ZBTB16: variants seen among roughly 807,000 people sequenced by gnomAD.
The protein encoded by ZBTB16 is zinc finger and BTB domain containing 16.
A neutral mutation model predicts 56.8 loss-of-function variants in ZBTB16; 8 were observed. The observed-to-expected ratio is 0.14, with a 90% CI of 0.08 to 0.25. The LOEUF is 0.25. Ranked by LOEUF, ZBTB16 falls within the 10% of genes least tolerant of loss-of-function variation. The pLI is 1.00. For missense variants in ZBTB16, 625 were observed against 903.0 expected, an observed-to-expected ratio of 0.69 and a Z score of 3.95; for synonymous variants, 363 against 368.5, an observed-to-expected ratio of 0.98 and a Z score of 0.17.
intron 2 of ZBTB16, among the ~76,000 whole-genome samples, chr11:114,083,688 G>A (rs1313427371): frequency 1.3e-5 from 2 of 152,270 alleles, no homozygotes; most frequent in East Asian, 3.9e-4. Flanking sequence ...CCCGTGTTCT[G>A]TACCACCCAG....
At position 114,063,922 on chromosome 11, in the gene ZBTB16, A is replaced by C. The variant is rs1031169456; in HGVS notation, c.622A>C (p.Thr208Pro). The change falls in exon 2 of 7, where the codon ACC becomes CCC. Residue 208 changes from threonine to proline, a missense_variant. Physicochemically the swap from Thr to Pro is conservative, Grantham distance 38 (BLOSUM62 -1). Around this residue, in one of 6 missense-constraint regions of ZBTB16, gnomAD observed 384 missense variants for 393.5 expected, o/e 0.98. Coordinates refer to ENST00000335953, the MANE Select transcript of ZBTB16 (RefSeq NM_006006.6). The surrounding 1 kb of genome is among the most constrained non-coding windows in gnomAD (Gnocchi z 6.5). ...PTKAAVDSLM[T>P]IGQSLLQGTL... The stretch of plus-strand genomic sequence containing the variant: ...CAAGGCTGCAGTGGACAGTTTGATG[A>C]CCATAGGACAGTCTCTCCTGCAGGG... The C allele has an allele frequency of 5.6e-6, 9 of 1,613,718 alleles. No homozygotes were observed. Among genetic ancestry groups the C allele is most frequent in the Admixed American group, 5.0e-5 (3 of 59,994 alleles).
chr11:114,122,160 T>C (rs1285566967), intron 2 of ZBTB16, among the ~76,000 whole-genome samples: 1 of 152,200 alleles, frequency 6.6e-6, no homozygotes, highest in Non-Finnish European at 1.5e-5. Context: ...ACGCCCTGTA[T>C]GTGAGGCATA....
At chr11:114,236,643 T>A (rs965231975) in intron 4 of ZBTB16, among the ~76,000 whole-genome samples, 1 of 152,198 alleles carries the variant, frequency 6.6e-6, no homozygotes. Context: ...GTCTGAACTT[T>A]CCTCATCCCT....
intron 3 of ZBTB16, chr11:114,180,913 G>A (rs1943232647): frequency 6.6e-6 from 1 of 152,198 alleles, no homozygotes; most frequent in African/African-American, 2.4e-5. Flanking sequence ...GGGGCTCCAG[G>A]GGCTTGTCCA....
intron 2 of ZBTB16, among the ~76,000 whole-genome samples, chr11:114,151,814 C>T (rs577747531): frequency 1.3e-5 from 2 of 152,334 alleles, no homozygotes; most frequent in South Asian, 4.1e-4. Context: ...CCGAGCTTAC[C>T]CTGCAGAGAG....
chr11:114,147,361 A>G (rs1180441536), intron 2 of ZBTB16, among the ~76,000 whole-genome samples: 1 of 152,234 alleles, frequency 6.6e-6, no homozygotes, highest in Non-Finnish European at 1.5e-5. Context: ...CAGGCAGAAC[A>G]AGGAGATAAA....
intron 4 of ZBTB16, among the ~76,000 whole-genome samples, chr11:114,216,937 G>A (rs1944114582): frequency 7.1e-5 from 2 of 28,328 alleles, no homozygotes; most frequent in African/African-American, 1.8e-4. Flanking sequence ...TGCAGCGATA[G>A]AGATATTTAT....
At chr11:114,079,962 G>A (rs1939700795) in intron 2 of ZBTB16, among the ~76,000 whole-genome samples, 1 of 152,204 alleles carries the variant, frequency 6.6e-6, no homozygotes, top group South Asian at 2.1e-4. Flanking sequence ...CCTCCTGTGA[G>A]TTTGGGCTCC....
chr11:114,201,493 CT>C (rs1394447352), intron 4 of ZBTB16, among the ~76,000 whole-genome samples: 2 of 152,206 alleles, frequency 1.3e-5, no homozygotes, highest in African/African-American at 4.8e-5. Flanking sequence ...CTCAGAAACC[CT>C]TGGCGTTTCA....
In ZBTB16 at chr11:114,156,439, G is replaced by A. The variant is rs765684473; in HGVS notation, c.1366+5G>A. 4 of 1,614,152 alleles carry A rather than the reference G, an allele frequency of 2.5e-6. No homozygotes were observed. The highest frequency in any genetic ancestry group is 3.3e-5 in the Admixed American group (2 of 60,032). The stretch of plus-strand genomic sequence containing the variant: ...TGCACTTACTGGCTCATTCAGGTAG[G>A]CAAGTTCGCCTTAGTGGCCCGTTCA... On this transcript the variant is annotated splice_donor_5th_base_variant and intron_variant, in intron 3 of 6. Coordinates refer to ENST00000335953, the MANE Select transcript of ZBTB16 (RefSeq NM_006006.6).
chr11:114,200,623 C>T (rs1203161676), intron 4 of ZBTB16, among the ~76,000 whole-genome samples: 1 of 152,140 alleles, frequency 6.6e-6, no homozygotes, highest in Non-Finnish European at 1.5e-5. Flanking sequence ...GGTGATCTGG[C>T]AGGACTCACC....
rs532942462 is a variant in ZBTB16, at chr11:114,140,371, C to G, written c.1269-15966C>G. Among the ~76,000 whole-genome samples, 14 of 152,314 alleles carry G rather than the reference C, an allele frequency of 9.2e-5. No individual in the cohort carries two copies. In the South Asian group the frequency reaches 2.9e-3, roughly 32 times the overall value. On this transcript the variant is annotated intron_variant, in intron 2 of 6. Transcript: ENST00000335953. ...TCTCTTATAGTGTGTATTGTCTTCC[C>G]TCTTCAACTAAAGCTTTAGGAGGGT...
chr11:114,235,624 C>CCCTTCCTTCCTTCCTTCCTT (rs757566912), intron 4 of ZBTB16, among the ~76,000 whole-genome samples: 1 of 125,156 alleles, frequency 8.0e-6, no homozygotes, highest in African/African-American at 3.0e-5. Context: ...CTTTCCCTCT[C>CCCTTCCTTCCTTCCTTCCTT]CCTTCCTTTC....
intron 2 of ZBTB16, among the ~76,000 whole-genome samples, chr11:114,155,335 G>A (rs891650457): frequency 6.6e-6 from 1 of 152,216 alleles, no homozygotes; most frequent in African/African-American, 2.4e-5. Flanking sequence ...CAGGAGTGTG[G>A]GTGGGCGGCA....
intron 2 of ZBTB16, among the ~76,000 whole-genome samples, chr11:114,112,897 G>A (rs1267220342): frequency 6.6e-6 from 1 of 151,594 alleles, no homozygotes; most frequent in Non-Finnish European, 1.5e-5. Context: ...CCAAGTAGCT[G>A]TGACTACAGG....
chr11:114,098,584 T>G (rs889896159), intron 2 of ZBTB16, among the ~76,000 whole-genome samples: 1 of 151,574 alleles, frequency 6.6e-6, no homozygotes, highest in Middle Eastern at 3.4e-3. Context: ...TCACGAGTCT[T>G]GCAAAAACCA....
chr11:114,073,262 A>G (rs1939417351), intron 2 of ZBTB16, among the ~76,000 whole-genome samples: 1 of 152,142 alleles, frequency 6.6e-6, no homozygotes, highest in Non-Finnish European at 1.5e-5. Context: ...AAGGACTAGT[A>G]CGTCATCTCT....
At chr11:114,192,856 C>T (rs1943530341) in intron 4 of ZBTB16, among the ~76,000 whole-genome samples, 1 of 152,204 alleles carries the variant, frequency 6.6e-6, no homozygotes, top group Non-Finnish European at 1.5e-5. Context: ...CCAGCTTTGC[C>T]AAGCAGCTTA....
At chr11:114,179,751 C>G (rs1168262656) in intron 3 of ZBTB16, among the ~76,000 whole-genome samples, 1 of 151,738 alleles carries the variant, frequency 6.6e-6, no homozygotes, top group Non-Finnish European at 1.5e-5. Context: ...TGGCTTCTGC[C>G]TTATTTCCTT....
Sources: gnomAD v4.1 joint callset for allele counts (sites outside exome capture counted in the v4.1 genomes callset) on GRCh38, gnomAD v4.1.1 for gene constraint, gnomAD v4.1.1 regional missense constraint, Gnocchi (gnomAD v3.1) non-coding constraint, MANE v1.5 for transcripts, NCBI Gene and HGNC (gene_info 2026-07-23, HGNC 2026-07-21) for gene names.